Variants in MYBPHL observed in about 807,000 individuals in gnomAD.
MYBPHL encodes myosin-binding protein H-like.
MYBPHL carries 32 observed loss-of-function variants against 39.5 expected under a neutral mutation model. The observed-to-expected ratio is 0.81, with a 90% CI of 0.61 to 1.09. The LOEUF is 1.09. Ranked by LOEUF, MYBPHL falls within the 50% of genes least tolerant of loss-of-function variation. MYBPHL has a pLI of 0.00. For synonymous variants in MYBPHL, 196 were observed against 183.7 expected (o/e 1.07, Z -0.54); for missense variants, 456 against 460.2 (o/e 0.99, Z 0.08).
At chr1:109,297,755 G>A in intron 2 of MYBPHL, 138 bp from the exon 3 acceptor site, 1 of 745,856 alleles carries the variant, frequency 1.3e-6, no homozygotes, top group Non-Finnish European at 2.1e-6. Context: ...GAAGTTGGTG[G>A]ACCCTCCCGG....
At chr1:109,305,929 A>C (rs1658449913) in intron 1 of MYBPHL, among the ~76,000 whole-genome samples, 1 of 152,220 alleles carries the variant, frequency 6.6e-6, no homozygotes, top group Admixed American at 6.5e-5. Context: ...TGATAGGTAG[A>C]TGTTATTAAT....
chr1:109,298,408 C>G, intron 1 of MYBPHL, 151 bp from the exon 2 acceptor site: 1 of 651,760 alleles, frequency 1.5e-6, no homozygotes, highest in Non-Finnish European at 2.6e-6. Context: ...CATCATCCTG[C>G]TGGGATTTGG....
At chr1:109,304,136 C>T (rs555352644) in intron 1 of MYBPHL, among the ~76,000 whole-genome samples, 22 of 152,304 alleles carry the variant, frequency 1.4e-4, no homozygotes, top group African/African-American at 5.3e-4. Flanking sequence ...ATATTAGATA[C>T]TTTACTTGTT....
rs543581503 is a variant in MYBPHL, at chr1:109,296,817, G to A, written c.696C>T (p.Pro232=). 2 of 1,613,730 alleles carry A rather than the reference G, an allele frequency of 1.2e-6. No homozygotes were observed. Among genetic ancestry groups the A allele is most frequent in the African/African-American group, 2.7e-5 (2 of 75,036 alleles). ...GGATGTGGGCGAGGTCCGTAGTGAT[G>A]GGGGCTGTTTCACTGAGTCCGCACT... ...ENQCGLSETA[P]ITTDLAHIQK... The change falls in exon 5 of 9, where the codon CCC becomes CCT. Residue 232 remains proline, a synonymous_variant. Coordinates refer to ENST00000357155, the MANE Select transcript of MYBPHL (RefSeq NM_001010985.3).
chr1:109,295,151 G>T lies in MYBPHL; in HGVS notation c.1014C>A (p.Pro338=), dbSNP rs1658013227. The part of the protein sequence containing the change: ...GGIYTCKAVN[P]LGEASVDCRV... ...GACAGTCCACAGATGCCTCCCCTAG[G>T]GGGTTCACCGCCTTGCAGGTATAGA... is the stretch of plus-strand genomic sequence containing the variant. The change falls in exon 7 of 9, where the codon CCC becomes CCA. Residue 338 remains proline, a synonymous_variant. Coordinates refer to ENST00000357155, the MANE Select transcript of MYBPHL (RefSeq NM_001010985.3). The T allele has an allele frequency of 1.9e-6, 3 of 1,613,794 alleles. No individual in the cohort carries two copies. Among genetic ancestry groups the T allele is most frequent in the African/African-American group, 1.3e-5 (1 of 74,906 alleles).
At chr1:109,305,948 T>C (rs1658450551) in intron 1 of MYBPHL, among the ~76,000 whole-genome samples, 1 of 152,246 alleles carries the variant, frequency 6.6e-6, no homozygotes, top group Non-Finnish European at 1.5e-5. Flanking sequence ...ATCACCATTT[T>C]ACAGAGTGAA....
rs770636863 is a variant in MYBPHL at position 109,295,139 on chromosome 1, T to A, written c.1026A>T (p.Ala342=). ...TCKAVNPLGE[A]SVDCRVDVKV... Reference sequence around the variant, plus strand: ...TCACATCCACCCGACAGTCCACAGATGCCTCCCCTAGGGGGTTCACCGCCT... The same window carrying A: ...TCACATCCACCCGACAGTCCACAGAAGCCTCCCCTAGGGGGTTCACCGCCT... Residue 342 remains alanine, a synonymous_variant, in exon 7 of 9, where the codon GCA becomes GCT. Coordinates refer to ENST00000357155, the MANE Select transcript of MYBPHL (RefSeq NM_001010985.3). The A allele has an allele frequency of 6.2e-7, 1 of 1,613,674 alleles. No homozygotes were observed. The highest frequency in any genetic ancestry group is 8.5e-7 in the Non-Finnish European group (1 of 1,179,960).
chr1:109,294,070 A>G, intron 8 of MYBPHL, 136 bp downstream of exon 8: 1 of 631,208 alleles, frequency 1.6e-6, no homozygotes, highest in Non-Finnish European at 2.9e-6. Context: ...TTTCAAAAAA[A>G]AAATGGTTAC....
chr1:109,305,449 C>T (rs546465628), intron 1 of MYBPHL, among the ~76,000 whole-genome samples: 22 of 152,260 alleles, frequency 1.4e-4, no homozygotes, highest in African/African-American at 4.1e-4. Context: ...GCTGCATTTG[C>T]GGGCCCGTGA....
chr1:109,295,203 C>G lies in MYBPHL; in HGVS notation c.962G>C (p.Arg321Pro). ...GCCTCCATCAAAGGGACCCGGCTTG[C>G]GGATCTCTAGGGAGCAGATTCCCAG... is the stretch of plus-strand genomic sequence containing the variant. ...THLGICSLEI[R>P]KPGPFDGGIY... The change falls in exon 7 of 9, where the codon CGC becomes CCC. Residue 321 changes from arginine to proline, a missense_variant. Physicochemically the swap from Arg to Pro is moderately radical, Grantham distance 103. Transcript: ENST00000357155. 1 of 1,614,098 alleles carries G rather than the reference C, an allele frequency of 6.2e-7. No individual in the cohort carries two copies. Among genetic ancestry groups the G allele is most frequent in the Non-Finnish European group, 8.5e-7 (1 of 1,180,006 alleles).
At chr1:109,296,187 G>A (rs757294470) in intron 6 of MYBPHL, 47 bp downstream of exon 6, 10 of 1,602,662 alleles carry the variant, frequency 6.2e-6, no homozygotes, top group Non-Finnish European at 8.5e-6. Flanking sequence ...AGGACAGGCA[G>A]GAACAAGAAG....
chr1:109,304,635 C>A (rs1055270163), intron 1 of MYBPHL, among the ~76,000 whole-genome samples: 1 of 152,194 alleles, frequency 6.6e-6, no homozygotes, highest in Non-Finnish European at 1.5e-5. Flanking sequence ...TACTGCCCAG[C>A]AGGAGGCCGA....
chr1:109,297,354 C>A lies in MYBPHL; in HGVS notation c.430+68G>T, dbSNP rs1020301786. 11 of 1,567,698 alleles carry A rather than the reference C, an allele frequency of 7.0e-6. No individual in the cohort carries two copies. In the South Asian group the frequency reaches 1.3e-4, roughly 19 times the overall value. ...GCCGCAGCTTCCCCAGCTCTCTGAG[C>A]TGGCTCCTCTTCAGCCTGGAGAGGG... On this transcript the variant is annotated intron_variant, in intron 3 of 8. Coordinates refer to ENST00000357155, the MANE Select transcript of MYBPHL (RefSeq NM_001010985.3).
At chr1:109,292,670 T>G (rs1272074149) in intron 8 of MYBPHL, 82 bp from the exon 9 acceptor site, 1 of 152,248 alleles carries the variant, frequency 6.6e-6, no homozygotes, top group African/African-American at 2.4e-5. Flanking sequence ...GAGAGTTGTC[T>G]CTGCAAGCCG....
At chr1:109,298,057 T>C in intron 2 of MYBPHL, 112 bp downstream of exon 2, 1 of 925,628 alleles carries the variant, frequency 1.1e-6, no homozygotes, top group Non-Finnish European at 1.6e-6. Flanking sequence ...ACCCCTTCTA[T>C]CCAAGGCTGG....
chr1:109,305,967 C>A (rs1432241915), intron 1 of MYBPHL, among the ~76,000 whole-genome samples: 1 of 152,230 alleles, frequency 6.6e-6, no homozygotes, highest in Non-Finnish European at 1.5e-5. Context: ...AAAATGGAAA[C>A]TGAGCAGTCC....
At chr1:109,298,140 T>C in intron 2 of MYBPHL, 29 bp downstream of exon 2, 1 of 1,561,006 alleles carries the variant, frequency 6.4e-7, no homozygotes, top group Middle Eastern at 1.7e-4. Flanking sequence ...GCCCCAGACA[T>C]GGACCCAGTA....
intron 6 of MYBPHL, 92 bp downstream of exon 6, chr1:109,296,142 G>T: frequency 6.8e-7 from 1 of 1,466,342 alleles, no homozygotes; most frequent in Non-Finnish European, 9.3e-7. Context: ...GGTAACAGAT[G>T]TTATGTTACA....
chr1:109,301,747 GA>G (rs57771400), intron 1 of MYBPHL, among the ~76,000 whole-genome samples: 63,884 of 138,388 alleles, frequency 0.46, 15,488 homozygotes, highest in East Asian at 0.64. Flanking sequence ...ATCTCAAAAA[GA>G]AAAAAAAAAA....
Sources: gnomAD v4.1 joint callset for allele counts (sites outside exome capture counted in the v4.1 genomes callset) on GRCh38, gnomAD v4.1.1 for gene constraint, MANE v1.5 for transcripts, NCBI Gene and HGNC (gene_info 2026-07-23, HGNC 2026-07-21) for gene names.